LTF: variants seen among roughly 807,000 people sequenced by gnomAD.
LTF encodes the protein epididymis luminal protein 110.
A neutral mutation model predicts 87.2 loss-of-function variants in LTF; 91 were observed. That is an observed-to-expected ratio of 1.04 (90% CI 0.88 to 1.24). The LOEUF (loss-of-function observed/expected upper bound fraction) is 1.24, where lower values mean the gene tolerates loss of function less well. Ranked by LOEUF, LTF falls within the 50% of genes most tolerant of loss-of-function variation. The pLI is 0.00. For synonymous variants in LTF, 378 were observed against 356.1 expected (o/e 1.06, Z -0.69); for missense variants, 901 against 904.3 (o/e 1.00, Z 0.05).
intron 13 of LTF, 57 bp downstream of exon 13, chr3:46,443,384 G>C (rs944289114): frequency 1.3e-6 from 2 of 1,598,570 alleles, no homozygotes; most frequent in Non-Finnish European, 1.7e-6. Context: ...CTGCAATGCT[G>C]ACATGCTGAG....
At chr3:46,450,473 G>A in intron 7 of LTF, 22 bp downstream of exon 7, 1 of 1,591,362 alleles carries the variant, frequency 6.3e-7, no homozygotes, top group East Asian at 2.3e-5. Flanking sequence ...AAGCAAGTGG[G>A]GAGGACCGTG....
chr3:46,445,511 T>C (rs1702631702), intron 11 of LTF, 75 bp from the exon 12 acceptor site: 2 of 1,432,554 alleles, frequency 1.4e-6, no homozygotes, highest in African/African-American at 1.4e-5. Flanking sequence ...TGGAGCTGTC[T>C]ACAGCCCAGG....
chr3:46,474,221 G>GA (rs1447926539), intron 1 of LTF, among the ~76,000 whole-genome samples: 4 of 152,034 alleles, frequency 2.6e-5, no homozygotes, highest in Admixed American at 1.3e-4. Context: ...AAACTCATTA[G>GA]AAAAAATAAC....
At chr3:46,469,380 G>C (rs1331604278), upstream of LTF, 1 of 152,336 alleles carries the variant, frequency 6.6e-6, no homozygotes, top group Non-Finnish European at 1.5e-5. Context: ...AGCAGGCCCT[G>C]CCTGGCCCCT....
intron 1 of LTF, among the ~76,000 whole-genome samples, chr3:46,483,374 C>T (rs947818023): frequency 1.1e-4 from 17 of 152,238 alleles, no homozygotes; most frequent in African/African-American, 3.9e-4. Context: ...ATTGTCCATA[C>T]ATGTCCCAAA....
chr3:46,467,239 T>TTCAC (rs1422635397), upstream of LTF, among the ~76,000 whole-genome samples: 1 of 152,014 alleles, frequency 6.6e-6, no homozygotes, highest in Non-Finnish European at 1.5e-5. Context: ...CATTCATTCA[T>TTCAC]TCATGCCAGA....
intron 1 of LTF, among the ~76,000 whole-genome samples, chr3:46,482,547 AGGG>A (rs1703448680): frequency 1.0e-5 from 1 of 98,680 alleles, no homozygotes; most frequent in African/African-American, 4.3e-5. Flanking sequence ...AGGGAAGGGA[AGGG>A]AAGGGAAGGG....
intron 5 of LTF, among the ~76,000 whole-genome samples, 198 bp from the exon 6 acceptor site, chr3:46,454,558 G>A (rs1702879307): frequency 6.6e-6 from 1 of 152,214 alleles, no homozygotes. Context: ...GTGCTAGCCA[G>A]AGGCCCCCAT....
upstream of LTF, among the ~76,000 whole-genome samples, chr3:46,466,827 C>G (rs1458616986): frequency 6.6e-6 from 1 of 152,202 alleles, no homozygotes; most frequent in African/African-American, 2.4e-5. Flanking sequence ...AAATTGGCAA[C>G]AAGACTTTGC....
chr3:46,439,064 C>T (rs567840924), intron 15 of LTF, among the ~76,000 whole-genome samples: 1 of 152,194 alleles, frequency 6.6e-6, no homozygotes, highest in Non-Finnish European at 1.5e-5. Context: ...AAGGCCAGGG[C>T]ACAGAGTCTC....
intron 1 of LTF, 84 bp downstream of exon 1, chr3:46,464,741 C>G: frequency 6.6e-7 from 1 of 1,510,814 alleles, no homozygotes; most frequent in Non-Finnish European, 9.1e-7. Flanking sequence ...CCCAGCCAAC[C>G]GGACACAGGG....
chr3:46,456,889 C>T (rs1233439869), intron 2 of LTF, among the ~76,000 whole-genome samples: 1 of 152,122 alleles, frequency 6.6e-6, no homozygotes, highest in Admixed American at 6.5e-5. Context: ...AACTTTTTTG[C>T]CACCAAGGAC....
At chr3:46,460,755 G>A (rs1703060160) in intron 1 of LTF, among the ~76,000 whole-genome samples, 1 of 151,998 alleles carries the variant, frequency 6.6e-6, no homozygotes, top group African/African-American at 2.4e-5. Flanking sequence ...CACCCATATT[G>A]GAAAGAAAGA....
At chr3:46,479,815 A>C (rs1488664744) in intron 1 of LTF, among the ~76,000 whole-genome samples, 1 of 152,244 alleles carries the variant, frequency 6.6e-6, no homozygotes, top group East Asian at 1.9e-4. Flanking sequence ...GGCGTGAGCC[A>C]CTGCGCCCGG....
intron 6 of LTF, among the ~76,000 whole-genome samples, chr3:46,453,546 G>A (rs143090552): frequency 6.6e-6 from 1 of 152,074 alleles, no homozygotes; most frequent in African/African-American, 2.4e-5. Context: ...TGTGGGGTGT[G>A]TCTCTGATGG....
intron 1 of LTF, among the ~76,000 whole-genome samples, chr3:46,480,968 A>C (rs1242876471): frequency 6.6e-6 from 1 of 152,160 alleles, no homozygotes; most frequent in Non-Finnish European, 1.5e-5. Flanking sequence ...CACAACTGCC[A>C]GTGGAAGTGC....
chr3:46,445,796 T>C (rs180705786), intron 11 of LTF, among the ~76,000 whole-genome samples: 27 of 152,258 alleles, frequency 1.8e-4, no homozygotes, highest in African/African-American at 6.5e-4. Flanking sequence ...AGTGCATAAA[T>C]CACCAACCAC....
Position 46,456,465 on chromosome 3 carries a change from G to A in LTF, c.208-67C>T, listed in dbSNP as rs1193408173. ...CCCAAACCCAGCAAGTGGGACTTCA[G>A]GACCTCAAAAAGTCTCCATGGCTGG... On this transcript the variant is annotated intron_variant, in intron 2 of 16. Transcript: ENST00000231751. 6.0e-6 allele frequency: 8 copies of A among 1,334,726 alleles called. No homozygotes were observed. In the East Asian group the frequency reaches 1.6e-4, roughly 27 times the overall value. The allele number at this position is 1,334,726 out of a possible 1,614,324, so 82.7% of individuals were successfully genotyped here.
chr3:46,446,440 C>T lies in LTF; in HGVS notation c.1357G>A (p.Gly453Arg). The change falls in exon 11 of 17, where the codon GGA (glycine) becomes AGA (arginine). Residue 453 changes from glycine (G) to arginine (R), a missense_variant and splice_region_variant. Physicochemically the swap from Gly to Arg is moderately radical, Grantham distance 125. Coordinates refer to ENST00000231751, the MANE Select transcript of LTF (RefSeq NM_002343.6). Reference protein sequence around the residue: ...DPNCVDRPVEGYLAVAVVRRS... With the variant: ...DPNCVDRPVERYLAVAVVRRS... The stretch of plus-strand genomic sequence containing the variant: ...CTGAAAGTGGCTAATGCCAACTCAC[C>T]TTCCACAGGTCTATCCACACAGTTA... 6.2e-7 allele frequency: 1 copy of T among 1,612,692 alleles called. No homozygotes were observed. The highest frequency in any genetic ancestry group is 1.1e-5 in the South Asian group (1 of 90,748).
Sources: allele counts gnomAD v4.1 joint callset (sites outside exome capture counted in the v4.1 genomes callset), GRCh38; gene constraint gnomAD v4.1.1; transcripts MANE v1.5; gene names NCBI Gene and HGNC (gene_info 2026-07-23, HGNC 2026-07-21).